Variants in TRIM66 observed in about 807,000 individuals in gnomAD.
TRIM66 encodes tripartite motif containing 66, also known as tripartite motif-containing protein 66.
A neutral mutation model predicts 148.2 loss-of-function variants in TRIM66; 99 were observed. The observed-to-expected ratio is 0.67, with a 90% CI of 0.57 to 0.79. TRIM66 has a LOEUF of 0.79. Ranked by LOEUF, TRIM66 falls within the 30% of genes least tolerant of loss-of-function variation. TRIM66 has a pLI of 0.00. For synonymous variants in TRIM66, 616 were observed against 635.9 expected, an observed-to-expected ratio of 0.97 and a Z score of 0.47; for missense variants, 1,666 against 1,697.9, an observed-to-expected ratio of 0.98 and a Z score of 0.33.
At chr11:8,655,927 AT>A (rs1307939565) in intron 6 of TRIM66, among the ~76,000 whole-genome samples, 3 of 152,234 alleles carry the variant, frequency 2.0e-5, no homozygotes, top group Non-Finnish European at 4.4e-5. Context: ...GGAATCCTGG[AT>A]TTAAGAGATT....
chr11:8,673,630 C>G (rs2039047422), intron 4 of TRIM66, among the ~76,000 whole-genome samples: 1 of 151,982 alleles, frequency 6.6e-6, no homozygotes, highest in Non-Finnish European at 1.5e-5. Flanking sequence ...AGAGTGAGCA[C>G]CACATTTAAG....
rs759024194 is a variant in TRIM66 at position 8,613,114 on chromosome 11, TAG to T, written c.*4828_*4829del. Reference sequence around the variant, plus strand: ...CAGGAAAAGGAAGGGACTCAGGAAATAGAGAGACAGACAGAGGAAGCAGGAGC... The same window carrying T: ...CAGGAAAAGGAAGGGACTCAGGAAATAGAGACAGACAGAGGAAGCAGGAGC... On this transcript the variant is annotated 3_prime_UTR_variant, in exon 25 of 25. Coordinates refer to ENST00000646038, the MANE Select transcript of TRIM66 (RefSeq NM_001388022.1). 6.6e-6 allele frequency: 1 copy of T among 152,010 alleles called. No homozygotes were observed. The highest frequency in any genetic ancestry group is 1.5e-5 in the Non-Finnish European group (1 of 68,036). 9.4% of individuals were successfully genotyped at this position (152,010 alleles called of 1,614,324 possible).
At chr11:8,643,497 G>C (rs542345260) in intron 12 of TRIM66, among the ~76,000 whole-genome samples, 1 of 151,836 alleles carries the variant, frequency 6.6e-6, no homozygotes, top group Non-Finnish European at 1.5e-5. Context: ...CCGCCACCAC[G>C]CCCAGCTAAT....
At position 8,638,782 on chromosome 11, in the gene TRIM66, T is replaced by G; in HGVS notation, c.2182A>C (p.Lys728Gln). Residue 728 changes from lysine to glutamine, a missense_variant, in exon 15 of 25, where the codon AAG (lysine) becomes CAG (glutamine). By Grantham distance (53) the Lys-to-Gln change is moderately conservative. This residue lies in a region of TRIM66 where 1,431 missense variants were observed against 1,412.4 expected (regional missense o/e 1.01). Coordinates refer to ENST00000646038, the MANE Select transcript of TRIM66 (RefSeq NM_001388022.1). ...TTCTTGTCAAGAGGGAGAGCCGGCT[T>G]TGAGCCCTGAGATGCTGGGGGCTCA... ...TDEPPASQGS[K>Q]PALPLDKNTA... The G allele has an allele frequency of 6.4e-7, 1 of 1,551,316 alleles. No individual in the cohort carries two copies. Among genetic ancestry groups the G allele is most frequent in the East Asian group, 2.4e-5 (1 of 40,856 alleles).
At position 8,615,287 on chromosome 11, in the gene TRIM66, T is replaced by A. The variant is rs2033655442; in HGVS notation, c.*2657A>T. On this transcript the variant is annotated 3_prime_UTR_variant, in exon 25 of 25. Transcript: ENST00000646038. ...AATTTTTAACTAAAATCCCCTTGCATCAACTGAAGCCATTTTACTGTCTTA... is the reference window on the plus strand; with the variant it reads ...AATTTTTAACTAAAATCCCCTTGCAACAACTGAAGCCATTTTACTGTCTTA... 2 of 152,230 alleles carry A rather than the reference T, an allele frequency of 1.3e-5. No homozygotes were observed. The highest frequency in any genetic ancestry group is 2.9e-5 in the Non-Finnish European group (2 of 68,044). The allele number at this position is 152,230 out of a possible 1,614,324, so 9.4% of individuals were successfully genotyped here. A position where few individuals can be genotyped will look rare whatever the true frequency, so the allele number is the denominator to read the frequency against.
In TRIM66 at chr11:8,665,685, C is replaced by G. The variant is rs140368212; in HGVS notation, c.340+6101G>C. ...AATAAAGAGGAAGTTAAGCCAGGCA[C>G]GGTGGCTCATGCCTGTAATCCCAGC... On this transcript the variant is annotated intron_variant, in intron 6 of 24. Transcript: ENST00000646038. 2.0e-3 allele frequency among the ~76,000 whole-genome samples: 307 copies of G among 152,246 alleles called. 1 individual carries two copies. The highest frequency in any genetic ancestry group is 7.1e-3 in the African/African-American group (294 of 41,546).
rs2033611886 is a variant in TRIM66 at position 8,614,667 on chromosome 11, G to C, written c.*3277C>G. ...ATGGAGTGAGAGAGGGAGCAGAACA[G>C]AGCCCAGGAACAAACAAGGAGGCGC... On this transcript the variant is annotated 3_prime_UTR_variant, in exon 25 of 25. Coordinates refer to ENST00000646038, the MANE Select transcript of TRIM66 (RefSeq NM_001388022.1). 1 of 152,618 alleles carries C rather than the reference G, an allele frequency of 6.6e-6. No individual in the cohort carries two copies. The highest frequency in any genetic ancestry group is 1.5e-5 in the Non-Finnish European group (1 of 68,298). The allele number at this position is 152,618 out of a possible 1,614,324, so 9.5% of individuals were successfully genotyped here.
At chr11:8,645,970 T>G in intron 11 of TRIM66, 83 bp from the exon 12 acceptor site, 1 of 1,358,532 alleles carries the variant, frequency 7.4e-7, no homozygotes, top group African/African-American at 1.4e-5. Flanking sequence ...GGCTTGTGTG[T>G]GTCACTGATG....
Position 8,620,180 on chromosome 11 carries a change from A to C in TRIM66, c.3673-56T>G, listed in dbSNP as rs2034071195. 4.7e-6 allele frequency: 7 copies of C among 1,494,002 alleles called. No individual in the cohort carries two copies. In the East Asian group the frequency reaches 1.7e-4, roughly 37 times the overall value. 92.5% of individuals were successfully genotyped at this position (1,494,002 alleles called of 1,614,324 possible). A position where few individuals can be genotyped will look rare whatever the true frequency, so the allele number is the denominator to read the frequency against. ...TTTGTTCTGGTCTCACCTCAGTATG[A>C]ACTAAAGATGTTGACCCTGATAACT... On this transcript the variant is annotated intron_variant, in intron 21 of 24. Transcript: ENST00000646038.
intron 12 of TRIM66, among the ~76,000 whole-genome samples, chr11:8,644,062 C>A (rs2036635963): frequency 6.6e-6 from 1 of 152,196 alleles, no homozygotes; most frequent in South Asian, 2.1e-4. Flanking sequence ...ACCTATGAGA[C>A]CTTTAAACTC....
chr11:8,646,341 A>G (rs1246258513), intron 11 of TRIM66, 106 bp downstream of exon 11: 14 of 889,382 alleles, frequency 1.6e-5, no homozygotes, highest in Non-Finnish European at 2.5e-5. Context: ...AGAGCTATGG[A>G]AGCTGCATAT....
intron 6 of TRIM66, among the ~76,000 whole-genome samples, chr11:8,653,208 C>G (rs1211420542): frequency 6.6e-6 from 1 of 152,170 alleles, no homozygotes; most frequent in East Asian, 1.9e-4. Flanking sequence ...GCAATCCTAC[C>G]ATCAAAAGGT....
At chr11:8,645,667 C>G in intron 12 of TRIM66, 74 bp downstream of exon 12, 2 of 1,524,088 alleles carry the variant, frequency 1.3e-6, no homozygotes, top group South Asian at 2.4e-5. Context: ...AGGACTGCCT[C>G]ATTGCCCCTC....
Position 8,632,283 on chromosome 11 carries a change from G to T in TRIM66, c.2310+6371C>A, listed in dbSNP as rs549512305. On this transcript the variant is annotated intron_variant, in intron 15 of 24. Coordinates refer to ENST00000646038, the MANE Select transcript of TRIM66 (RefSeq NM_001388022.1). ...AGATCATGCCACTGCACTCCAACCTGGGTGGCAGAGTGAGATTTCATCTCA... is the reference window on the plus strand; with the variant it reads ...AGATCATGCCACTGCACTCCAACCTTGGTGGCAGAGTGAGATTTCATCTCA... Among the ~76,000 whole-genome samples the T allele has an allele frequency of 2.6e-5, 4 of 152,038 alleles. No individual in the cohort carries two copies. In the South Asian group the frequency reaches 8.3e-4, roughly 32 times the overall value.
intron 18 of TRIM66, 88 bp downstream of exon 18, chr11:8,622,728 T>C (rs1330957997): frequency 8.0e-7 from 1 of 1,242,690 alleles, no homozygotes; most frequent in East Asian, 2.5e-5. Flanking sequence ...CCACTTGTAG[T>C]TAATTCATCA....
intron 8 of TRIM66, among the ~76,000 whole-genome samples, 169 bp downstream of exon 8, chr11:8,649,571 T>G (rs2037171308): frequency 6.6e-6 from 1 of 152,106 alleles, no homozygotes; most frequent in Non-Finnish European, 1.5e-5. Context: ...GGGACGAGAG[T>G]GAGTCACCCC....
At position 8,616,634 on chromosome 11, in the gene TRIM66, C is replaced by T. The variant is rs761841453; in HGVS notation, c.*1310G>A. 6.6e-6 allele frequency: 1 copy of T among 152,210 alleles called. No homozygotes were observed. Among genetic ancestry groups the T allele is most frequent in the Admixed American group, 6.5e-5 (1 of 15,280 alleles). The allele number at this position is 152,210 out of a possible 1,614,324, so 9.4% of individuals were successfully genotyped here. On this transcript the variant is annotated 3_prime_UTR_variant, in exon 25 of 25. Coordinates refer to ENST00000646038, the MANE Select transcript of TRIM66 (RefSeq NM_001388022.1). ...CTCGAGCTCCTGTTCCCATGGCTTC[C>T]AGAATGCTTCTCTCTGCATTCTAGG... is the stretch of plus-strand genomic sequence containing the variant.
Position 8,634,784 on chromosome 11 carries a change from C to A in TRIM66, c.2310+3870G>T, listed in dbSNP as rs773339386. On this transcript the variant is annotated intron_variant, in intron 15 of 24. Transcript: ENST00000646038. ...ACCATCGGCTCACATAGCACCAACTCCAAGGTACTTGTACGCAGATGTTCT... is the reference window on the plus strand; with the variant it reads ...ACCATCGGCTCACATAGCACCAACTACAAGGTACTTGTACGCAGATGTTCT... Among the ~76,000 whole-genome samples, 47 of 152,336 alleles carry A rather than the reference C, an allele frequency of 3.1e-4. 1 individual carries two copies. Among genetic ancestry groups the A allele is most frequent in the East Asian group, 2.1e-3 (11 of 5,192 alleles).
At chr11:8,647,754 A>G (rs763309375) in intron 10 of TRIM66, among the ~76,000 whole-genome samples, 1 of 152,036 alleles carries the variant, frequency 6.6e-6, no homozygotes, top group Non-Finnish European at 1.5e-5. Context: ...GATCATCCTG[A>G]CCTAGCTTGG....
Sources: allele counts gnomAD v4.1 joint callset (sites outside exome capture counted in the v4.1 genomes callset), GRCh38; gene constraint gnomAD v4.1.1; regional missense constraint gnomAD v4.1.1; transcripts MANE v1.5; gene names NCBI Gene and HGNC (gene_info 2026-07-23, HGNC 2026-07-21).